Variants in ADGRV1 observed in about 807,000 individuals in gnomAD.
ADGRV1 encodes adhesion G protein-coupled receptor V1.
ADGRV1 carries 359 observed loss-of-function variants against 596.2 expected under a neutral mutation model. That is an observed-to-expected ratio of 0.60 (90% CI 0.55 to 0.66). ADGRV1 has a LOEUF of 0.66. Among genes scored for constraint, ADGRV1 ranks in the 30% least tolerant of loss-of-function variants. ADGRV1 has a pLI of 0.00. For missense variants in ADGRV1, 7,274 were observed against 7,575.6 expected, an observed-to-expected ratio of 0.96 and a Z score of 1.48; for synonymous variants, 2,681 against 2,679.2, an observed-to-expected ratio of 1.00 and a Z score of -0.02.
intron 83 of ADGRV1, among the ~76,000 whole-genome samples, chr5:90,883,265 A>G (rs1769965673): frequency 6.6e-6 from 1 of 152,160 alleles, no homozygotes; most frequent in South Asian, 2.1e-4. Context: ...GGAAGGTCAT[A>G]TCTTGCTTCT....
chr5:90,808,004 G>A (rs1258182444), intron 73 of ADGRV1, among the ~76,000 whole-genome samples: 1 of 152,186 alleles, frequency 6.6e-6, no homozygotes, highest in African/African-American at 2.4e-5. Flanking sequence ...CATGATGGCA[G>A]TTCTCCTCTT....
rs757559841 is a variant in ADGRV1 at position 90,658,052 on chromosome 5, C to T, written c.4526C>T (p.Pro1509Leu). Residue 1509 changes from proline (P) to leucine (L), a missense_variant, in exon 21 of 90, where the codon CCA becomes CTA. By Grantham distance (98) the Pro-to-Leu change is moderately conservative. This residue lies in a region of ADGRV1 where 3,643 missense variants were observed against 3,809.2 expected (regional missense o/e 0.96). Coordinates refer to ENST00000405460, the MANE Select transcript of ADGRV1 (RefSeq NM_032119.4). Reference protein sequence around the residue: ...HAMPAKSDLHPISGYLEFRQG... With the variant: ...HAMPAKSDLHLISGYLEFRQG... ...ATGCCCGCAAAAAGTGATTTACACC[C>T]AATTTCTGGATATCTGGAGTTCAGA... 1 of 1,613,764 alleles carries T rather than the reference C, an allele frequency of 6.2e-7. No homozygotes were observed. Among genetic ancestry groups the T allele is most frequent in the Non-Finnish European group, 8.5e-7 (1 of 1,179,874 alleles).
At chr5:90,617,753 T>A in intron 2 of ADGRV1, 51 bp from the exon 3 acceptor site, 1 of 1,451,266 alleles carries the variant, frequency 6.9e-7, no homozygotes, top group Non-Finnish European at 9.4e-7. Flanking sequence ...TCAGTTTTAC[T>A]TGTCCTAATA....
intron 50 of ADGRV1, among the ~76,000 whole-genome samples, chr5:90,736,139 A>T (rs1377143397): frequency 6.6e-6 from 1 of 152,132 alleles, no homozygotes; most frequent in Admixed American, 6.5e-5. Flanking sequence ...TATTGTACTG[A>T]AGTACATTTC....
chr5:90,720,700 A>C (rs1381743376), intron 44 of ADGRV1, among the ~76,000 whole-genome samples: 2 of 152,054 alleles, frequency 1.3e-5, no homozygotes, highest in Non-Finnish European at 2.9e-5. Context: ...TTTTTTTCCT[A>C]TAAAGTGTTT....
chr5:90,921,794 T>C (rs933192350), intron 83 of ADGRV1, among the ~76,000 whole-genome samples: 3 of 149,004 alleles, frequency 2.0e-5, no homozygotes, highest in African/African-American at 7.5e-5. Flanking sequence ...AAGTTGTGTC[T>C]TGTTTTTTTT....
At chr5:90,680,454 G>C (rs560780701) in intron 26 of ADGRV1, among the ~76,000 whole-genome samples, 1 of 152,164 alleles carries the variant, frequency 6.6e-6, no homozygotes, top group South Asian at 2.1e-4. Context: ...ATTGAAAAGA[G>C]GATGCCTTTT....
intron 83 of ADGRV1, among the ~76,000 whole-genome samples, chr5:90,959,953 C>T (rs1214949355): frequency 1.3e-5 from 2 of 151,974 alleles, no homozygotes; most frequent in Admixed American, 6.6e-5. Context: ...TCCTGGCTAA[C>T]ACGGTGAAAC....
chr5:91,088,748 A>G (rs940169796), intron 86 of ADGRV1, among the ~76,000 whole-genome samples: 9 of 152,164 alleles, frequency 5.9e-5, no homozygotes, highest in Non-Finnish European at 1.2e-4. Flanking sequence ...CAGTTTAACC[A>G]TTAACAATTT....
At chr5:90,773,525 A>G (rs1757911458) in intron 59 of ADGRV1, among the ~76,000 whole-genome samples, 1 of 152,220 alleles carries the variant, frequency 6.6e-6, no homozygotes, top group Non-Finnish European at 1.5e-5. Context: ...ATACCTAGGA[A>G]TAGATTCAGC....
intron 21 of ADGRV1, among the ~76,000 whole-genome samples, chr5:90,662,753 C>T (rs12187830): frequency 0.52 from 78,631 of 151,680 alleles, 20,870 homozygotes; most frequent in East Asian, 0.8. Flanking sequence ...CAATGCTATC[C>T]CTTCCCCCTC....
intron 86 of ADGRV1, among the ~76,000 whole-genome samples, chr5:91,075,318 A>G (rs180762418): frequency 6.6e-6 from 1 of 152,150 alleles, no homozygotes; most frequent in Admixed American, 6.6e-5. Flanking sequence ...TTTTATATAT[A>G]ATGTAAAAGT....
rs1158908533 is a variant in ADGRV1, at chr5:90,617,919, C to G, written c.323C>G (p.Pro108Arg). ...GTATGTGATGATGACTTACCAGAGC[C>G]TGACGAAACTTTTATTTTTCACTTA... ...IAVCDDDLPE[P>R]DETFIFHLTL... Residue 108 changes from proline (P) to arginine (R), a missense_variant, in exon 3 of 90, where the codon CCT becomes CGT. Around this residue, in one of 5 missense-constraint regions of ADGRV1, gnomAD observed 1,715 missense variants for 1,708.8 expected, o/e 1.00. Coordinates refer to ENST00000405460, the MANE Select transcript of ADGRV1 (RefSeq NM_032119.4). 40 of 1,586,966 alleles carry G rather than the reference C, an allele frequency of 2.5e-5. No individual in the cohort carries two copies. The highest frequency in any genetic ancestry group is 3.3e-5 in the Non-Finnish European group (38 of 1,165,252).
intron 1 of ADGRV1, among the ~76,000 whole-genome samples, chr5:90,588,325 A>C (rs1349832793): frequency 6.6e-6 from 1 of 152,236 alleles, no homozygotes; most frequent in Non-Finnish European, 1.5e-5. Flanking sequence ...GGATTCATAT[A>C]AATGTGTTAT....
At chr5:91,116,664 C>T (rs964025096) in intron 87 of ADGRV1, among the ~76,000 whole-genome samples, 1 of 152,096 alleles carries the variant, frequency 6.6e-6, no homozygotes, top group African/African-American at 2.4e-5. Flanking sequence ...AATAAGACCT[C>T]AATGTATGGG....
At chr5:90,765,682 A>G (rs1757039003) in intron 59 of ADGRV1, among the ~76,000 whole-genome samples, 1 of 152,016 alleles carries the variant, frequency 6.6e-6, no homozygotes, top group Non-Finnish European at 1.5e-5. Flanking sequence ...GATTATTGTT[A>G]CCTATGTCAA....
At chr5:90,959,955 C>A (rs540778124) in intron 83 of ADGRV1, among the ~76,000 whole-genome samples, 1 of 151,780 alleles carries the variant, frequency 6.6e-6, no homozygotes, top group Non-Finnish European at 1.5e-5. Flanking sequence ...CTGGCTAACA[C>A]GGTGAAACCC....
chr5:90,619,733 T>C (rs1763807127), intron 4 of ADGRV1, among the ~76,000 whole-genome samples: 2 of 151,300 alleles, frequency 1.3e-5, no homozygotes, highest in South Asian at 2.1e-4. Context: ...GTATATCTCC[T>C]AATGCTATCC....
intron 70 of ADGRV1, among the ~76,000 whole-genome samples, chr5:90,795,109 T>C (rs1000058229): frequency 1.0e-4 from 15 of 147,914 alleles, no homozygotes; most frequent in South Asian, 2.2e-4. Flanking sequence ...TTTTTTTTTT[T>C]CCCTTACCTC....
Sources: allele counts gnomAD v4.1 joint callset (sites outside exome capture counted in the v4.1 genomes callset), GRCh38; gene constraint gnomAD v4.1.1; regional missense constraint gnomAD v4.1.1; transcripts MANE v1.5; gene names NCBI Gene and HGNC (gene_info 2026-07-23, HGNC 2026-07-21).